STK38L: variants seen among roughly 807,000 people sequenced by gnomAD.
STK38L encodes the protein serine/threonine kinase 38 like, also known as serine/threonine-protein kinase 38-like.
A neutral mutation model predicts 59.7 loss-of-function variants in STK38L; 28 were observed. The ratio of observed to expected loss-of-function variants is 0.47; its 90% CI spans 0.35 to 0.64. The LOEUF (loss-of-function observed/expected upper bound fraction) is 0.64, where lower values mean the gene tolerates loss of function less well. STK38L is among the 30% of genes least tolerant of loss of function. The pLI, the probability that STK38L is intolerant of heterozygous loss-of-function variation, is 0.01. For missense variants in STK38L, 314 were observed against 555.8 expected (o/e 0.56, Z 4.37); for synonymous variants, 162 against 176.8 (o/e 0.92, Z 0.66).
chr12:27,303,248 C>T (rs548249436), intron 3 of STK38L, among the ~76,000 whole-genome samples: 1 of 151,940 alleles, frequency 6.6e-6, no homozygotes, highest in Admixed American at 6.6e-5. Flanking sequence ...CATGGTGGTA[C>T]GTGCCTGTAG....
At chr12:27,307,061 T>C (rs574090826) in intron 3 of STK38L, among the ~76,000 whole-genome samples, 1 of 152,318 alleles carries the variant, frequency 6.6e-6, no homozygotes, top group East Asian at 1.9e-4. Flanking sequence ...AAAAATAATC[T>C]TTCATTGTTG....
intron 1 of STK38L, among the ~76,000 whole-genome samples, chr12:27,273,467 G>T (rs942137644): frequency 6.6e-6 from 1 of 151,908 alleles, no homozygotes. Context: ...TTGCAAAATG[G>T]CAGTAACATT....
chr12:27,278,457 A>G (rs953549282), intron 1 of STK38L, among the ~76,000 whole-genome samples: 6 of 152,060 alleles, frequency 3.9e-5, no homozygotes, highest in Non-Finnish European at 8.8e-5. Context: ...TTTTTCGACA[A>G]TTTTATAGGA....
At chr12:27,314,004 G>A (rs1310906919) in intron 6 of STK38L, among the ~76,000 whole-genome samples, 1 of 152,060 alleles carries the variant, frequency 6.6e-6, no homozygotes, top group Non-Finnish European at 1.5e-5. Context: ...CATGGTCTCT[G>A]CCTTAAAACC....
chr12:27,250,551 C>T (rs1019851687), intron 1 of STK38L, among the ~76,000 whole-genome samples: 3 of 152,154 alleles, frequency 2.0e-5, no homozygotes, highest in African/African-American at 7.2e-5. Flanking sequence ...ATGCACCAGA[C>T]ATAGTGCTAA....
chr12:27,250,590 C>T (rs182160390), intron 1 of STK38L, among the ~76,000 whole-genome samples: 4 of 152,156 alleles, frequency 2.6e-5, no homozygotes, highest in African/African-American at 7.2e-5. Context: ...CTCATTTAAT[C>T]CTTATAGCAA....
At chr12:27,251,881 A>T (rs905239624) in intron 1 of STK38L, among the ~76,000 whole-genome samples, 1 of 152,224 alleles carries the variant, frequency 6.6e-6, no homozygotes, top group Non-Finnish European at 1.5e-5. Context: ...ATTCTAACTA[A>T]AACAATTATG....
chr12:27,319,630 A>G (rs1044880236), intron 12 of STK38L, among the ~76,000 whole-genome samples: 4 of 152,222 alleles, frequency 2.6e-5, no homozygotes, highest in African/African-American at 9.6e-5. Flanking sequence ...ACTTTCAGGG[A>G]AGAACATTGG....
intron 1 of STK38L, among the ~76,000 whole-genome samples, chr12:27,268,324 T>C (rs1222507760): frequency 1.3e-5 from 2 of 152,116 alleles, no homozygotes; most frequent in Admixed American, 6.6e-5. Context: ...TGTGTCCATG[T>C]GTTCTCATTG....
In STK38L at chr12:27,319,396, T is replaced by A. The variant is rs763392599; in HGVS notation, c.1148T>A (p.Phe383Tyr). ...GVEEIKGHPF[F>Y]EGVDWEHIRE... The stretch of plus-strand genomic sequence containing the variant: ...GAAGAAATAAAAGGTCATCCCTTTT[T>A]TGAAGGTGTCGACTGGGAGCACATA... The change falls in exon 12 of 14, where the codon TTT becomes TAT. Residue 383 changes from phenylalanine to tyrosine, a missense_variant. Around this residue, in one of 3 missense-constraint regions of STK38L, gnomAD observed 94 missense variants for 142.2 expected, o/e 0.66. Transcript: ENST00000389032. 5.6e-6 allele frequency: 9 copies of A among 1,613,604 alleles called. No homozygotes were observed. The South Asian group carries it at 9.9e-5, about 18-fold the overall frequency.
chr12:27,289,006 AT>A (rs967441825), intron 1 of STK38L, among the ~76,000 whole-genome samples: 7 of 151,306 alleles, frequency 4.6e-5, no homozygotes, highest in African/African-American at 7.3e-5. Context: ...GTTGGCATTG[AT>A]TTTTTTTTCC....
chr12:27,319,569 G>A (rs1174249788), intron 12 of STK38L, 146 bp downstream of exon 12: 1 of 549,032 alleles, frequency 1.8e-6, no homozygotes, highest in African/African-American at 1.9e-5. Context: ...TTATGTAAGT[G>A]AGTGGGACTA....
Position 27,244,312 on chromosome 12 carries a change from C to G in STK38L, c.-32C>G, listed in dbSNP as rs537107220. On this transcript the variant is annotated 5_prime_UTR_variant, in exon 1 of 14. Transcript: ENST00000389032. ...CGGTCCGTGCGGAGGCTGAGCCGGCCGCGGGCGCGACCGGAGGCAGGTGAG... is the reference window on the plus strand; with the variant it reads ...CGGTCCGTGCGGAGGCTGAGCCGGCGGCGGGCGCGACCGGAGGCAGGTGAG... The G allele has an allele frequency of 6.6e-6, 1 of 152,256 alleles. No individual in the cohort carries two copies. Among genetic ancestry groups the G allele is most frequent in the South Asian group, 2.1e-4 (1 of 4,840 alleles). The allele number at this position is 152,256 out of a possible 1,614,324, so 9.4% of individuals were successfully genotyped here. A position where few individuals can be genotyped will look rare whatever the true frequency, so the allele number is the denominator to read the frequency against.
At chr12:27,271,537 G>T (rs1180715268) in intron 1 of STK38L, among the ~76,000 whole-genome samples, 1 of 152,170 alleles carries the variant, frequency 6.6e-6, no homozygotes, top group African/African-American at 2.4e-5. Context: ...AGATGTTTGG[G>T]GGGTAGTTAG....
At chr12:27,269,540 G>A (rs1943373948) in intron 1 of STK38L, among the ~76,000 whole-genome samples, 2 of 152,154 alleles carry the variant, frequency 1.3e-5, no homozygotes, top group African/African-American at 4.8e-5. Flanking sequence ...AGTATAGTTT[G>A]AAGTCAGGTA....
chr12:27,290,098 TA>T (rs1195871310), intron 1 of STK38L, among the ~76,000 whole-genome samples: 1 of 152,222 alleles, frequency 6.6e-6, no homozygotes, highest in African/African-American at 2.4e-5. Context: ...ACTTTAAAAA[TA>T]TTTTTTACTG....
chr12:27,312,730 A>T (rs573397338), intron 6 of STK38L, 58 bp downstream of exon 6: 75 of 1,580,950 alleles, frequency 4.7e-5, no homozygotes, highest in Non-Finnish European at 6.3e-5. Context: ...TATATGCAAC[A>T]ATAATTTTAT....
chr12:27,244,570 C>T (rs973508695), intron 1 of STK38L, among the ~76,000 whole-genome samples: 2 of 152,198 alleles, frequency 1.3e-5, no homozygotes, highest in Non-Finnish European at 1.5e-5. Flanking sequence ...GGGGAGGAAT[C>T]TTTGTCCTCT....
At chr12:27,255,091 T>C (rs77802958) in intron 1 of STK38L, among the ~76,000 whole-genome samples, 1,940 of 152,346 alleles carry the variant, frequency 0.013, 41 homozygotes, top group African/African-American at 0.044. Context: ...ATGAAAATTA[T>C]AAGCACATTT....
Sources: gnomAD v4.1 joint callset for allele counts (sites outside exome capture counted in the v4.1 genomes callset) on GRCh38, gnomAD v4.1.1 for gene constraint, gnomAD v4.1.1 regional missense constraint, MANE v1.5 for transcripts, NCBI Gene and HGNC (gene_info 2026-07-23, HGNC 2026-07-21) for gene names.